ZNF827: variants seen among roughly 807,000 people sequenced by gnomAD.
The protein encoded by ZNF827 is zinc finger protein 827.
ZNF827 carries 13 observed loss-of-function variants against 102.4 expected under a neutral mutation model. The ratio of observed to expected loss-of-function variants is 0.13; its 90% CI spans 0.08 to 0.20. ZNF827 has a LOEUF of 0.20. ZNF827 is among the 10% of genes least tolerant of loss of function. The probability of loss-of-function intolerance (pLI) is 1.00; values close to 1 mark genes in which losing one functional copy is unlikely to be tolerated. For synonymous variants in ZNF827, 523 were observed against 536.2 expected, an observed-to-expected ratio of 0.98 and a Z score of 0.34; for missense variants, 1,103 against 1,344.4, an observed-to-expected ratio of 0.82 and a Z score of 2.81.
At chr4:145,857,679 G>A (rs563342790) in intron 5 of ZNF827, among the ~76,000 whole-genome samples, 1 of 152,308 alleles carries the variant, frequency 6.6e-6, no homozygotes, top group African/African-American at 2.4e-5. Flanking sequence ...GTCGCTGGGA[G>A]CTCAGAGAGA....
intron 5 of ZNF827, among the ~76,000 whole-genome samples, chr4:145,850,422 G>A (rs1579371204): frequency 6.6e-6 from 1 of 152,190 alleles, no homozygotes; most frequent in Non-Finnish European, 1.5e-5. Context: ...CTTGCTGGAG[G>A]TGTATGGAAG....
intron 1 of ZNF827, among the ~76,000 whole-genome samples, chr4:145,910,824 T>C (rs1478129795): frequency 6.6e-6 from 1 of 152,186 alleles, no homozygotes; most frequent in African/African-American, 2.4e-5. Flanking sequence ...GCCTTTGCAA[T>C]TGCTCTTCCT....
Position 145,844,615 on chromosome 4 carries a change from G to A in ZNF827, c.2279+1341C>T, listed in dbSNP as rs1260868060. 1.3e-5 allele frequency among the ~76,000 whole-genome samples: 2 copies of A among 151,388 alleles called. 1 individual carries two copies. ...GGATGGCTTGAGCCTGCAAAGTGGA[G>A]GCTGCAGTGAGCCAAAACTGGGCCA... On this transcript the variant is annotated intron_variant, in intron 7 of 14. Coordinates refer to ENST00000508784, the MANE Select transcript of ZNF827 (RefSeq NM_001306215.2).
intron 8 of ZNF827, among the ~76,000 whole-genome samples, chr4:145,803,123 CTA>C (rs1164620617): frequency 1.3e-5 from 2 of 152,122 alleles, no homozygotes; most frequent in African/African-American, 4.8e-5. Flanking sequence ...ACACCTATCT[CTA>C]TATGTTTTGC....
intron 5 of ZNF827, among the ~76,000 whole-genome samples, chr4:145,850,591 G>A (rs757226002): frequency 2.0e-5 from 3 of 152,200 alleles, no homozygotes; most frequent in Non-Finnish European, 4.4e-5. Context: ...TAAGGGTGGA[G>A]TGTCTATGTC....
chr4:145,930,834 T>C (rs370390983), intron 1 of ZNF827, among the ~76,000 whole-genome samples: 1 of 151,994 alleles, frequency 6.6e-6, no homozygotes, highest in African/African-American at 2.4e-5. Flanking sequence ...TCTCTGTGTG[T>C]GTGCGTGTGT....
rs1347007976 is a variant in ZNF827, at chr4:145,763,958, G to C, written c.3231-836C>G. Among the ~76,000 whole-genome samples the C allele has an allele frequency of 6.6e-6, 1 of 152,036 alleles. No homozygotes were observed. Among genetic ancestry groups the C allele is most frequent in the Non-Finnish European group, 1.5e-5 (1 of 68,012 alleles). On this transcript the variant is annotated intron_variant, in intron 13 of 14. Transcript: ENST00000508784. The surrounding 1 kb of genome is among the most constrained non-coding windows in gnomAD (Gnocchi z 4.6). ...AGTTTTTGAGGAGGCAGGGGCCTGG[G>C]GGGACCCAACCTGCACTGACCCCAA...
chr4:145,780,684 G>A (rs1737842981), intron 8 of ZNF827, among the ~76,000 whole-genome samples: 1 of 152,204 alleles, frequency 6.6e-6, no homozygotes, highest in Non-Finnish European at 1.5e-5. Context: ...ACACCAGAAA[G>A]AGAGAAGGAG....
chr4:145,796,992 G>A (rs1267213750), intron 8 of ZNF827, among the ~76,000 whole-genome samples: 1 of 152,060 alleles, frequency 6.6e-6, no homozygotes, highest in African/African-American at 2.4e-5. Flanking sequence ...GATACCAAAG[G>A]GAACCACATA....
intron 2 of ZNF827, among the ~76,000 whole-genome samples, chr4:145,895,527 A>C (rs1750911489): frequency 6.6e-6 from 1 of 152,226 alleles, no homozygotes; most frequent in Non-Finnish European, 1.5e-5. Context: ...ATGTGGTCAA[A>C]TAGCTACACT....
In ZNF827 at chr4:145,914,417, C is replaced by T. The variant is rs192049893; in HGVS notation, c.44-11202G>A. ...TTTTTTATCAGTTATGCACAAGAAT[C>T]CATGAGAGCAAAGGACAATCCATTT... On this transcript the variant is annotated intron_variant, in intron 1 of 14. Coordinates refer to ENST00000508784, the MANE Select transcript of ZNF827 (RefSeq NM_001306215.2). Among the ~76,000 whole-genome samples the T allele has an allele frequency of 3.6e-3, 553 of 152,296 alleles. 3 individuals are homozygous for T. The highest frequency in any genetic ancestry group is 6.8e-3 in the Middle Eastern group (2 of 294).
In ZNF827 at chr4:145,759,834, A is replaced by G. The variant is rs1287286167; in HGVS notation, c.*1782T>C. ...CCTTGGCTGGATTTATCAACCATAA[A>G]TTTTTTCACCCATACATTTCTTTTT... On this transcript the variant is annotated 3_prime_UTR_variant, in exon 15 of 15. Transcript: ENST00000508784. 3 of 152,036 alleles carry G rather than the reference A, an allele frequency of 2.0e-5. No homozygotes were observed. Among genetic ancestry groups the G allele is most frequent in the African/African-American group, 4.8e-5 (2 of 41,376 alleles). The allele number at this position is 152,036 out of a possible 1,614,324, so 9.4% of individuals were successfully genotyped here.
At chr4:145,795,533 T>C (rs1242226279) in intron 8 of ZNF827, among the ~76,000 whole-genome samples, 1 of 152,254 alleles carries the variant, frequency 6.6e-6, no homozygotes, top group East Asian at 1.9e-4. Context: ...GCAATAATTA[T>C]GAATCAATGG....
chr4:145,850,422 G>T (rs1579371204), intron 5 of ZNF827, among the ~76,000 whole-genome samples: 1 of 152,308 alleles, frequency 6.6e-6, no homozygotes, highest in African/African-American at 2.4e-5. Flanking sequence ...CTTGCTGGAG[G>T]TGTATGGAAG....
intron 8 of ZNF827, among the ~76,000 whole-genome samples, chr4:145,790,400 T>C (rs1437213975): frequency 1.3e-5 from 2 of 152,174 alleles, no homozygotes; most frequent in Non-Finnish European, 2.9e-5. Context: ...AATACTCTAA[T>C]ATTCTAGAAA....
At chr4:145,861,089 C>G (rs749091791) in intron 5 of ZNF827, among the ~76,000 whole-genome samples, 1 of 152,204 alleles carries the variant, frequency 6.6e-6, no homozygotes, top group Non-Finnish European at 1.5e-5. Context: ...ATTCCCTTCT[C>G]AAGGGGTAGG....
chr4:145,929,515 C>T (rs1359065590), intron 1 of ZNF827, among the ~76,000 whole-genome samples: 4 of 152,124 alleles, frequency 2.6e-5, no homozygotes, highest in Admixed American at 2.6e-4. Context: ...CAGAGAAACT[C>T]ATTCCTGTAG....
chr4:145,784,188 C>G (rs1198048473), intron 8 of ZNF827, among the ~76,000 whole-genome samples: 1 of 152,128 alleles, frequency 6.6e-6, no homozygotes, highest in Non-Finnish European at 1.5e-5. Flanking sequence ...CAATTAAAAC[C>G]CTTTCATTGT....
chr4:145,777,162 T>C (rs186662881), intron 9 of ZNF827, among the ~76,000 whole-genome samples: 4 of 152,344 alleles, frequency 2.6e-5, no homozygotes, highest in Admixed American at 2.6e-4. Flanking sequence ...CCCCAACATC[T>C]TGAAGGGCTG....
Sources: gnomAD v4.1 joint callset for allele counts (sites outside exome capture counted in the v4.1 genomes callset) on GRCh38, gnomAD v4.1.1 for gene constraint, Gnocchi (gnomAD v3.1) non-coding constraint, MANE v1.5 for transcripts, NCBI Gene and HGNC (gene_info 2026-07-23, HGNC 2026-07-21) for gene names.